PCMTD1: variants seen among roughly 807,000 people sequenced by gnomAD.
PCMTD1 encodes the protein protein-L-isoaspartate (D-aspartate) O-methyltransferase domain containing 1.
In PCMTD1, 12 loss-of-function variants were observed where a neutral mutation model predicts 37.6. The observed-to-expected ratio is 0.32, with a 90% CI of 0.20 to 0.52. The LOEUF (loss-of-function observed/expected upper bound fraction) is 0.52, where lower values mean the gene tolerates loss of function less well. Ranked by LOEUF, PCMTD1 falls within the 20% of genes least tolerant of loss-of-function variation. The pLI is 0.97. For missense variants in PCMTD1, 235 were observed against 421.3 expected, an observed-to-expected ratio of 0.56 and a Z score of 3.87; for synonymous variants, 117 against 135.8, an observed-to-expected ratio of 0.86 and a Z score of 0.96.
intron 1 of PCMTD1, among the ~76,000 whole-genome samples, chr8:51,882,295 TA>T (rs1398077831): frequency 1.3e-5 from 2 of 152,214 alleles, no homozygotes; most frequent in African/African-American, 4.8e-5. Flanking sequence ...AAAATGACGC[TA>T]TTGGATCAGG....
chr8:51,867,632 T>C (rs2038576334), intron 1 of PCMTD1, among the ~76,000 whole-genome samples: 1 of 151,854 alleles, frequency 6.6e-6, no homozygotes, highest in African/African-American at 2.4e-5. Flanking sequence ...AAAAGAAGGG[T>C]AATTCTGTCA....
At chr8:51,891,957 T>A (rs1159235374) in intron 1 of PCMTD1, among the ~76,000 whole-genome samples, 2 of 152,096 alleles carry the variant, frequency 1.3e-5, no homozygotes, top group African/African-American at 4.8e-5. Flanking sequence ...ACTGACATTT[T>A]TAATATGCAC....
intron 1 of PCMTD1, among the ~76,000 whole-genome samples, chr8:51,863,641 G>C (rs2038507058): frequency 1.3e-5 from 2 of 152,182 alleles, no homozygotes; most frequent in Admixed American, 6.5e-5. Context: ...ACAAAGATTA[G>C]CCAGATGCGG....
chr8:51,861,749 T>TCTCCC (rs1265839463), intron 1 of PCMTD1, among the ~76,000 whole-genome samples: 1 of 151,440 alleles, frequency 6.6e-6, no homozygotes, highest in Non-Finnish European at 1.5e-5. Flanking sequence ...TAAGATAAGG[T>TCTCCC]CTCACTCTGT....
upstream of PCMTD1, chr8:51,899,051 C>T: frequency 2.0e-6 from 3 of 1,505,850 alleles, no homozygotes; most frequent in Admixed American, 2.1e-5. Context: ...AGGCGGGGCC[C>T]GGACCCGCGA....
chr8:51,857,728 T>A (rs1162286649), intron 2 of PCMTD1, among the ~76,000 whole-genome samples: 1 of 152,178 alleles, frequency 6.6e-6, no homozygotes, highest in Non-Finnish European at 1.5e-5. Context: ...GAAAAACATG[T>A]CTCAATGAGA....
chr8:51,837,487 C>A (rs1178916761), intron 3 of PCMTD1, among the ~76,000 whole-genome samples: 1 of 152,140 alleles, frequency 6.6e-6, no homozygotes, highest in African/African-American at 2.4e-5. Context: ...GAGAACTCAT[C>A]TGCCAAACAC....
chr8:51,867,746 T>A, intron 1 of PCMTD1, among the ~76,000 whole-genome samples: 1 of 151,918 alleles, frequency 6.6e-6, no homozygotes, highest in East Asian at 1.9e-4. Context: ...ATCTCACTCA[T>A]GTGGAACCTA....
At chr8:51,853,480 T>A (rs958895287) in intron 2 of PCMTD1, among the ~76,000 whole-genome samples, 70 of 152,238 alleles carry the variant, frequency 4.6e-4, no homozygotes, top group African/African-American at 1.6e-3. Context: ...TCAGAAAGGT[T>A]TAGTACTTTT....
chr8:51,896,742 T>C (rs1022767015), intron 1 of PCMTD1, among the ~76,000 whole-genome samples: 1 of 152,192 alleles, frequency 6.6e-6, no homozygotes, highest in Non-Finnish European at 1.5e-5. Context: ...ATTACATTCA[T>C]GTAGTTATTC....
At chr8:51,864,181 A>C (rs543096157) in intron 1 of PCMTD1, among the ~76,000 whole-genome samples, 2 of 152,318 alleles carry the variant, frequency 1.3e-5, no homozygotes, top group South Asian at 4.1e-4. Flanking sequence ...AAAGAAGGCC[A>C]TTATTTTATG....
intron 2 of PCMTD1, among the ~76,000 whole-genome samples, chr8:51,854,866 C>G (rs1040098906): frequency 7.5e-6 from 1 of 133,588 alleles, no homozygotes; most frequent in Non-Finnish European, 1.6e-5. Flanking sequence ...TCTGACAGAA[C>G]AAGACTTGTC....
chr8:51,842,313 T>A (rs1254165101), intron 3 of PCMTD1, among the ~76,000 whole-genome samples: 1 of 152,056 alleles, frequency 6.6e-6, no homozygotes, highest in African/African-American at 2.4e-5. Flanking sequence ...GGAATCAAGC[T>A]CTATACAACA....
intron 1 of PCMTD1, among the ~76,000 whole-genome samples, chr8:51,881,394 A>T (rs2038789627): frequency 6.6e-6 from 1 of 152,184 alleles, no homozygotes; most frequent in African/African-American, 2.4e-5. Flanking sequence ...CAACCCCTCA[A>T]GACTAGGCTC....
intron 1 of PCMTD1, among the ~76,000 whole-genome samples, chr8:51,882,693 A>G (rs921766541): frequency 6.6e-6 from 1 of 152,086 alleles, no homozygotes; most frequent in Non-Finnish European, 1.5e-5. Flanking sequence ...GAAGACATAT[A>G]TCTATGTACT....
chr8:51,845,995 C>G (rs1001166336), intron 2 of PCMTD1, among the ~76,000 whole-genome samples: 1 of 151,998 alleles, frequency 6.6e-6, no homozygotes, highest in African/African-American at 2.4e-5. Context: ...AAACTACTAC[C>G]AGGGATAAGG....
In PCMTD1 at chr8:51,839,674, A is replaced by G. The variant is rs1251838544; in HGVS notation, c.411-5985T>C. ...AAAAAACAACATTCCCCTTCAATAC[A>G]CTGTTGAAGTGGGGCTGACAATTTG... On this transcript the variant is annotated intron_variant, in intron 3 of 5. Coordinates refer to ENST00000522514, the MANE Select transcript of PCMTD1 (RefSeq NM_052937.4). The G allele has an allele frequency of 3.2e-6, 3 of 939,796 alleles. No individual in the cohort carries two copies. The Admixed American group carries it at 1.9e-4, about 58-fold the overall frequency. The allele number at this position is 939,796 out of a possible 1,614,324, so 58.2% of individuals were successfully genotyped here. A position where few individuals can be genotyped will look rare whatever the true frequency, so the allele number is the denominator to read the frequency against.
chr8:51,845,393 C>T, intron 3 of PCMTD1: 1 of 317,238 alleles, frequency 3.2e-6, no homozygotes, highest in Non-Finnish European at 5.9e-6. Flanking sequence ...CACTGTATCT[C>T]CAGAAAAGAT....
Position 51,831,434 on chromosome 8 carries a change from A to G in PCMTD1, c.706+10T>C. On this transcript the variant is annotated intron_variant, in intron 5 of 5. Transcript: ENST00000522514. ...CATAATTCAATCAGAAAATATGAAG[A>G]GCTACTTACGGAGTCCCACAGAATC... 1 of 1,610,954 alleles carries G rather than the reference A, an allele frequency of 6.2e-7. No homozygotes were observed.
Sources: allele counts gnomAD v4.1 joint callset (sites outside exome capture counted in the v4.1 genomes callset), GRCh38; gene constraint gnomAD v4.1.1; transcripts MANE v1.5; gene names NCBI Gene and HGNC (gene_info 2026-07-23, HGNC 2026-07-21).